Variants in PLEKHA4 observed in about 807,000 individuals in gnomAD.
PLEKHA4 encodes pleckstrin homology domain-containing family A member 4.
Under a neutral mutation model 94.7 loss-of-function variants are expected in PLEKHA4, and 73 were observed. The observed-to-expected ratio is 0.77, with a 90% confidence interval of 0.64 to 0.94. The LOEUF (loss-of-function observed/expected upper bound fraction) is 0.94. PLEKHA4 is among the 40% of genes least tolerant of loss of function. The pLI is 0.00. For missense variants in PLEKHA4, 1,049 were observed against 1,054.1 expected (o/e 1.00, Z 0.07); for synonymous variants, 449 against 437.1 (o/e 1.03, Z -0.34).
chr19:48,861,842 GA>G, intron 3 of PLEKHA4, 150 bp from the exon 4 acceptor site: 1 of 743,416 alleles, frequency 1.3e-6, no homozygotes, highest in Non-Finnish European at 2.3e-6. Flanking sequence ...AGAGTGGGGT[GA>G]GGCCGAGCAC....
chr19:48,843,678 G>C (rs980463368), intron 16 of PLEKHA4, among the ~76,000 whole-genome samples: 7 of 150,890 alleles, frequency 4.6e-5, no homozygotes, highest in African/African-American at 1.7e-4. Context: ...TATTTTTTGA[G>C]ATGGAGTCTT....
chr19:48,861,553 T>C, intron 4 of PLEKHA4, 52 bp from the exon 5 acceptor site: 1 of 1,612,634 alleles, frequency 6.2e-7, no homozygotes. Flanking sequence ...AAGGCCAAGA[T>C]GCTAGAGAGA....
chr19:48,865,602 G>A lies in PLEKHA4; in HGVS notation c.93C>T (p.Thr31=), dbSNP rs377680488. The part of the protein sequence containing the change: ...SLSSLSPKKP[T]RAVNKIHAFG... ...AGGCGTGGATCTTGTTTACTGCCCG[G>A]GTGGGCTTCTGAGGAGAGAAGGGGA... The change falls in exon 3 of 20, where the codon ACC becomes ACT. Residue 31 remains threonine (T), a synonymous_variant. Coordinates refer to ENST00000263265, the MANE Select transcript of PLEKHA4 (RefSeq NM_020904.3). The A allele has an allele frequency of 2.5e-6, 4 of 1,612,636 alleles. No individual in the cohort carries two copies. In the African/African-American group the frequency reaches 4.0e-5, roughly 16 times the overall value.
At chr19:48,855,649 C>T (rs1403046281) in intron 9 of PLEKHA4, among the ~76,000 whole-genome samples, 1 of 144,074 alleles carries the variant, frequency 6.9e-6, no homozygotes, top group African/African-American at 2.8e-5. Flanking sequence ...ATAAGCTGAG[C>T]ATGGTGGTAC....
At chr19:48,847,807 A>C (rs1215064956) in intron 14 of PLEKHA4, 93 bp downstream of exon 14, 18 of 1,409,758 alleles carry the variant, frequency 1.3e-5, no homozygotes, top group Non-Finnish European at 2.8e-6. Flanking sequence ...TTAGCTGATC[A>C]AGGAAGAATT....
In PLEKHA4 at chr19:48,864,255, A is replaced by T. The variant is rs1261878418; in HGVS notation, c.192+1248T>A. Among the ~76,000 whole-genome samples, 3 of 142,012 alleles carry T rather than the reference A, an allele frequency of 2.1e-5. No homozygotes were observed. In the East Asian group the frequency reaches 6.1e-4, roughly 29 times the overall value. The allele number at this position is 142,012 out of a possible 152,430, so 93.2% of individuals were successfully genotyped here. The stretch of plus-strand genomic sequence containing the variant: ...GCAACCTCGGCTCACTGCAACCTCC[A>T]CCTCCCAGATTCAAATTTTCCTTGT... On this transcript the variant is annotated intron_variant, in intron 3 of 19. Coordinates refer to ENST00000263265, the MANE Select transcript of PLEKHA4 (RefSeq NM_020904.3).
Position 48,854,142 on chromosome 19 carries a change from C to T in PLEKHA4, c.1096-55G>A, listed in dbSNP as rs1251369233. 3.1e-5 allele frequency: 50 copies of T among 1,612,782 alleles called. 2 individuals are homozygous for T. In the Middle Eastern group the frequency reaches 4.9e-4, roughly 16 times the overall value. ...GGTCCAGATCTGGCTCTTCCCCTGC[C>T]GCTCCTCCCATCATCTAGAACATTC... On this transcript the variant is annotated intron_variant, in intron 10 of 19. Coordinates refer to ENST00000263265, the MANE Select transcript of PLEKHA4 (RefSeq NM_020904.3).
intron 17 of PLEKHA4, 31 bp from the exon 18 acceptor site, chr19:48,839,294 C>G (rs1265997554): frequency 1.4e-6 from 2 of 1,479,714 alleles, no homozygotes; most frequent in African/African-American, 2.8e-5. Context: ...TAGAACTCCT[C>G]ACCTGGAAGC....
intron 14 of PLEKHA4, among the ~76,000 whole-genome samples, chr19:48,846,689 G>A (rs1265089630): frequency 6.6e-6 from 1 of 151,972 alleles, no homozygotes; most frequent in African/African-American, 2.4e-5. Context: ...AATCACTTAA[G>A]CCCCAGAGAT....
chr19:48,851,072 C>T (rs10445553), intron 13 of PLEKHA4, among the ~76,000 whole-genome samples: 15,177 of 151,808 alleles, frequency 0.1, 1,024 homozygotes, highest in Non-Finnish European at 0.15. Flanking sequence ...ACCTGGGAGG[C>T]GGAGGTTGCA....
chr19:48,846,375 CG>C (rs1568538306), intron 14 of PLEKHA4, among the ~76,000 whole-genome samples: 1 of 151,662 alleles, frequency 6.6e-6, no homozygotes, highest in Non-Finnish European at 1.5e-5. Flanking sequence ...GGTGTGAACC[CG>C]GGAGGTAGAG....
chr19:48,848,447 C>T (rs2036053508), intron 13 of PLEKHA4, among the ~76,000 whole-genome samples: 3 of 141,494 alleles, frequency 2.1e-5, no homozygotes, highest in African/African-American at 2.7e-5. Flanking sequence ...GATCCCGCCA[C>T]TGCACTCCAG....
chr19:48,852,826 G>A (rs1426587677), intron 12 of PLEKHA4, among the ~76,000 whole-genome samples: 4 of 151,876 alleles, frequency 2.6e-5, no homozygotes, highest in African/African-American at 2.4e-5. Flanking sequence ...CCAGGTATTC[G>A]GGAGGCTGAG....
At chr19:48,861,908 T>A (rs1295529073) in intron 3 of PLEKHA4, among the ~76,000 whole-genome samples, 1 of 151,694 alleles carries the variant, frequency 6.6e-6, no homozygotes, top group Non-Finnish European at 1.5e-5. Flanking sequence ...GGTGGATCAC[T>A]CAATTCCAGG....
chr19:48,837,426 A>G lies in PLEKHA4; in HGVS notation c.2203T>C (p.Ser735Pro). 6.2e-7 allele frequency: 1 copy of G among 1,613,378 alleles called. No individual in the cohort carries two copies. ...CCTCCACGCCCACTCCCTCGGCGAG[A>G]GAACCCCGTGGAACCCGAATTAGCC... is the stretch of plus-strand genomic sequence containing the variant. ...PVANSGSTGF[S>P]RRGSGRGGGP... Residue 735 changes from serine to proline, a missense_variant, in exon 20 of 20, where the codon TCT becomes CCT. Transcript: ENST00000263265. This position sits in a 1 kb window ranked among gnomAD's most constrained non-coding sequence, Gnocchi z 4.3.
intron 2 of PLEKHA4, among the ~76,000 whole-genome samples, chr19:48,866,851 C>T (rs1007124813): frequency 6.6e-6 from 1 of 152,124 alleles, no homozygotes; most frequent in African/African-American, 2.4e-5. Flanking sequence ...TGCGGTCACA[C>T]CCCTTAGCAA....
At chr19:48,841,344 T>G (rs1342523625) in intron 16 of PLEKHA4, 34 bp from the exon 17 acceptor site, 1 of 1,565,618 alleles carries the variant, frequency 6.4e-7, no homozygotes, top group Non-Finnish European at 8.6e-7. Context: ...AGACCCAACC[T>G]TTAGGCCAGG....
Position 48,847,915 on chromosome 19 carries a change from C to T in PLEKHA4, c.1551G>A (p.Glu517=). ...DSPSPVLQGE[E]SSERESLPES... ...TGCGTCTTACCTCCCTCTCTGAGGA[C>T]TCCTCGCCCTGGAGCACGGGAGATG... Residue 517 remains glutamate, a synonymous_variant, in exon 14 of 20, where the codon GAG becomes GAA. Transcript: ENST00000263265. The T allele has an allele frequency of 1.3e-6, 2 of 1,582,312 alleles. No individual in the cohort carries two copies. Among genetic ancestry groups the T allele is most frequent in the South Asian group, 1.2e-5 (1 of 86,178 alleles).
intron 3 of PLEKHA4, 21 bp downstream of exon 3, chr19:48,865,482 T>G: frequency 6.3e-7 from 1 of 1,592,394 alleles, no homozygotes; most frequent in Non-Finnish European, 8.6e-7. Flanking sequence ...AGTGTCCTTT[T>G]CCTTCTCCTA....
Sources: allele counts gnomAD v4.1 joint callset (sites outside exome capture counted in the v4.1 genomes callset), GRCh38; gene constraint gnomAD v4.1.1; non-coding constraint Gnocchi (gnomAD v3.1); transcripts MANE v1.5; gene names NCBI Gene and HGNC (gene_info 2026-07-23, HGNC 2026-07-21).